Variants in SRPX observed in about 807,000 individuals in gnomAD.
SRPX encodes the protein sushi repeat containing protein X-linked, also known as sushi repeat-containing protein SRPX.
A neutral mutation model predicts 38.1 loss-of-function variants in SRPX; 24 were observed. The ratio of observed to expected loss-of-function variants is 0.63; its 90% CI spans 0.46 to 0.89. The LOEUF is 0.89. Ranked by LOEUF, SRPX falls within the 40% of genes least tolerant of loss-of-function variation. SRPX has a pLI of 0.00. For synonymous variants in SRPX, 184 were observed against 153.8 expected (o/e 1.20, Z -1.45); for missense variants, 416 against 377.8 (o/e 1.10, Z -0.84).
chrX:38,202,496 A>G (rs1027825852), intron 1 of SRPX, among the ~76,000 whole-genome samples: 2 of 111,992 alleles, frequency 1.8e-5, no homozygotes, highest in Non-Finnish European at 3.8e-5. Context: ...ACAAACCCAA[A>G]GCATGCAGCA....
At chrX:38,180,518 T>C (rs1318789693) in intron 1 of SRPX, among the ~76,000 whole-genome samples, 1 of 112,158 alleles carries the variant, frequency 8.9e-6, no homozygotes, top group East Asian at 2.8e-4. Flanking sequence ...AACTGTCTCC[T>C]AAGAGCCAAG....
chrX:38,184,507 T>A (rs1014127495), intron 1 of SRPX, among the ~76,000 whole-genome samples: 1 of 111,957 alleles, frequency 8.9e-6, no homozygotes, highest in East Asian at 2.8e-4. Flanking sequence ...CTGAGGATCA[T>A]GGCCTACTAC....
intron 9 of SRPX, among the ~76,000 whole-genome samples, chrX:38,151,409 CAG>C (rs767006710): frequency 1.8e-5 from 2 of 111,829 alleles, no homozygotes; most frequent in Admixed American, 9.5e-5. Context: ...TCTCAGGAAA[CAG>C]AGGAATAGGG....
chrX:38,186,375 AC>A lies in SRPX; in HGVS notation c.98-8032del, dbSNP rs1276520112. On this transcript the variant is annotated intron_variant, in intron 1 of 9. Coordinates refer to ENST00000378533, the MANE Select transcript of SRPX (RefSeq NM_006307.5). ...AGGCCAAGCCAATAACTTGCTTGCA[AC>A]CTCATGAGAGACCTTGAGCCAGCTA... Among the ~76,000 whole-genome samples, 3 of 111,953 alleles carry A rather than the reference AC, an allele frequency of 2.7e-5. No homozygotes were observed. The East Asian group carries it at 8.4e-4, about 31-fold the overall frequency.
intron 1 of SRPX, among the ~76,000 whole-genome samples, chrX:38,211,693 C>T (rs1428360833): frequency 8.3e-5 from 9 of 108,308 alleles, no homozygotes; most frequent in East Asian, 2.9e-4. Context: ...GAGCAAGACT[C>T]GGTCAAAAAA....
chrX:38,203,485 A>T (rs745621572), intron 1 of SRPX, among the ~76,000 whole-genome samples: 2 of 113,105 alleles, frequency 1.8e-5, no homozygotes, highest in South Asian at 7.3e-4. Flanking sequence ...AGGAAGAAAT[A>T]AACCTGTCTC....
At chrX:38,160,820 G>A (rs1360360339) in intron 6 of SRPX, 113 bp downstream of exon 6, 4 of 948,216 alleles carry the variant, frequency 4.2e-6, no homozygotes, top group Non-Finnish European at 5.8e-6. Flanking sequence ...CTAATCTAAA[G>A]CTGGCAAGTC....
intron 9 of SRPX, among the ~76,000 whole-genome samples, chrX:38,150,116 C>CTACTG (rs1266933501): frequency 4.5e-5 from 5 of 111,751 alleles, no homozygotes; most frequent in African/African-American, 1.6e-4. Context: ...AACCCCAAAC[C>CTACTG]TACTGAATTA....
rs149411980 is a variant in SRPX at position 38,154,490 on chromosome X, T to A, written c.1183A>T (p.Met395Leu). The A allele has an allele frequency of 2.0e-4, 244 of 1,204,472 alleles. 2 individuals are homozygous for A. In the African/African-American group the frequency reaches 4.0e-3, roughly 20 times the overall value. ...AGCTGCAGCGCTAGGGCTGGAGGCA[T>A]AATCTTTGCTCCTATCCTGCCAATG... ...TLIGRIGAKI[M>L]PPALALQLRL... Residue 395 changes from methionine to leucine, a missense_variant, in exon 9 of 10, where the codon ATG (methionine) becomes TTG (leucine). Met to Leu is a conservative substitution (Grantham distance 15). Transcript: ENST00000378533.
intron 1 of SRPX, among the ~76,000 whole-genome samples, chrX:38,192,707 C>A (rs1938929620): frequency 8.9e-6 from 1 of 112,384 alleles, no homozygotes; most frequent in African/African-American, 3.2e-5. Flanking sequence ...GGCCCCTTCC[C>A]AGTCCCTTGC....
At chrX:38,200,958 T>C (rs1939101379) in intron 1 of SRPX, among the ~76,000 whole-genome samples, 1 of 111,997 alleles carries the variant, frequency 8.9e-6, no homozygotes, top group Non-Finnish European at 1.9e-5. Context: ...AATGAGCTAA[T>C]GTCAATAAAT....
At chrX:38,153,302 C>CTTTTTT (rs58888978) in intron 9 of SRPX, among the ~76,000 whole-genome samples, 151 of 54,676 alleles carry the variant, frequency 2.8e-3, no homozygotes, top group Non-Finnish European at 3.5e-3. Context: ...TTCTTTCTTT[C>CTTTTTT]TTTTTTTTTT....
At chrX:38,163,663 A>G (rs184217326) in intron 5 of SRPX, among the ~76,000 whole-genome samples, 1 of 112,257 alleles carries the variant, frequency 8.9e-6, no homozygotes. Context: ...CACACCAACA[A>G]AAAGCAACTC....
intron 1 of SRPX, among the ~76,000 whole-genome samples, chrX:38,216,884 G>T (rs1260949680): frequency 8.9e-6 from 1 of 112,481 alleles, no homozygotes; most frequent in Admixed American, 9.4e-5. Flanking sequence ...TCCAGCTTGC[G>T]GTTGCAGTCA....
At chrX:38,154,899 C>T (rs756509105) in intron 8 of SRPX, among the ~76,000 whole-genome samples, 1 of 111,070 alleles carries the variant, frequency 9.0e-6, no homozygotes, top group African/African-American at 3.3e-5. Flanking sequence ...CAAGACCACC[C>T]CAGAGGATTC....
chrX:38,203,018 A>T (rs1020474529), intron 1 of SRPX, among the ~76,000 whole-genome samples: 2 of 112,057 alleles, frequency 1.8e-5, no homozygotes, highest in Admixed American at 9.5e-5. Context: ...AGATGCAAAA[A>T]TCCCCAACAA....
rs189920063 is a variant in SRPX at position 38,160,168 on chromosome X, T to C, written c.804A>G (p.Pro268=). ...RVKRCGKLNA[P]ENGYMKCSSD... ...TGGAGCACTTCATGTAACCATTCTC[T>C]GGGGCATTGAGTTTGCCACAGCGTT... The change falls in exon 7 of 10, where the codon CCA becomes CCG. Residue 268 remains proline, a synonymous_variant. Coordinates refer to ENST00000378533, the MANE Select transcript of SRPX (RefSeq NM_006307.5). 641 of 1,210,424 alleles carry C rather than the reference T, an allele frequency of 5.3e-4. 3 individuals are homozygous for C. In the East Asian group the frequency reaches 5.8e-3, roughly 11 times the overall value.
intron 1 of SRPX, 49 bp downstream of exon 1, chrX:38,220,647 G>C (rs6611251): frequency 0.046 from 53,947 of 1,179,475 alleles, 4,617 homozygotes; most frequent in East Asian, 0.46. Flanking sequence ...CGGCGACTCC[G>C]GGGGTCTTTG....
At chrX:38,188,979 G>A (rs1456070343) in intron 1 of SRPX, among the ~76,000 whole-genome samples, 2 of 111,681 alleles carry the variant, frequency 1.8e-5, no homozygotes, top group African/African-American at 6.5e-5. Flanking sequence ...AAAGCCTTTG[G>A]GGGATCGGTG....
Sources: gnomAD v4.1 joint callset for allele counts (sites outside exome capture counted in the v4.1 genomes callset) on GRCh38, gnomAD v4.1.1 for gene constraint, MANE v1.5 for transcripts, NCBI Gene and HGNC (gene_info 2026-07-23, HGNC 2026-07-21) for gene names.